The following HELZ2 variants were observed in gnomAD, a reference collection of about 807,000 sequenced individuals.
HELZ2 encodes the protein helicase with zinc finger 2, also known as 3'-5' exoribonuclease HELZ2.
HELZ2 carries 143 observed loss-of-function variants against 208.8 expected under a neutral mutation model. The ratio of observed to expected loss-of-function variants is 0.68; its 90% CI spans 0.60 to 0.79. The LOEUF is 0.79. Among genes scored for constraint, HELZ2 ranks in the 30% least tolerant of loss-of-function variants. The probability of loss-of-function intolerance (pLI) is 0.00; values close to 1 mark genes in which losing one functional copy is unlikely to be tolerated. For synonymous variants in HELZ2, 1,705 were observed against 1,693.7 expected (o/e 1.01, Z -0.16); for missense variants, 3,690 against 3,794.5 (o/e 0.97, Z 0.72).
chr20:63,573,387 C>T (rs369900028), upstream of HELZ2, among the ~76,000 whole-genome samples: 13 of 152,206 alleles, frequency 8.5e-5, no homozygotes, highest in East Asian at 5.8e-4. This position sits in a 1 kb window ranked among gnomAD's most constrained non-coding sequence, Gnocchi z 4.9. Flanking sequence ...CCCACCCTGA[C>T]GCCCAAGTGG....
intron 13 of HELZ2, 28 bp from the exon 15 acceptor site, chr20:63,561,302 G>C: frequency 6.2e-7 from 1 of 1,612,330 alleles, no homozygotes; most frequent in African/African-American, 1.3e-5. Context: ...TGTCACCCCA[G>C]GGCCCCCATG....
At chr20:63,562,344 G>T in exon 9 of HELZ2, 1 of 1,595,858 alleles carries the variant, frequency 6.3e-7, no homozygotes. Flanking sequence ...GACCAGCGGG[G>T]ACGCCTCCTC....
chr20:63,568,679 T>C, exon 5 of HELZ2: 4 of 1,605,996 alleles, frequency 2.5e-6, no homozygotes, highest in Non-Finnish European at 3.4e-6. Flanking sequence ...AATCTGGAAC[T>C]GCACCTCCAG....
chr20:63,560,250 C>A (rs112998390), exon 17 of HELZ2: 20 of 1,560,932 alleles, frequency 1.3e-5, no homozygotes, highest in Non-Finnish European at 1.6e-5. Flanking sequence ...CAGAGGCCTG[C>A]GCGTTGTAGG....
chr20:63,563,918 C>G (rs746721648), exon 8 of HELZ2: 5 of 1,592,994 alleles, frequency 3.1e-6, no homozygotes, highest in Middle Eastern at 1.7e-4. Context: ...GAGGTCGCGG[C>G]CTGCAGGAGC....
intron 18 of HELZ2, 70 bp downstream of exon 19, chr20:63,559,858 C>T (rs1410701395): frequency 1.1e-5 from 17 of 1,536,952 alleles, no homozygotes; most frequent in East Asian, 6.8e-5. Context: ...AGGCAGGAGT[C>T]GGCAGCTCCC....
chr20:63,566,527 AC>A, intron 6 of HELZ2, 74 bp from the exon 8 acceptor site: 2 of 1,097,746 alleles, frequency 1.8e-6, no homozygotes, highest in Non-Finnish European at 1.3e-6. Context: ...AGGAGAGGGC[AC>A]CCCCACCAAG....
chr20:63,564,774 C>A (rs376896320), exon 8 of HELZ2: 3 of 1,611,996 alleles, frequency 1.9e-6, no homozygotes, highest in African/African-American at 2.7e-5. Context: ...AGGTTGCAGG[C>A]GCCCTGGGGG....
chr20:63,568,900 G>C, exon 5 of HELZ2: 2 of 1,611,138 alleles, frequency 1.2e-6, no homozygotes, highest in Non-Finnish European at 8.5e-7. Context: ...AGGAGGGGAC[G>C]GGGACCTCTG....
At chr20:63,561,631 G>T (rs1261003509) in exon 12 of HELZ2, 2 of 1,611,244 alleles carry the variant, frequency 1.2e-6, no homozygotes, top group Non-Finnish European at 1.7e-6. Flanking sequence ...CCCCTCCCGG[G>T]GGCTCTTCCT....
chr20:63,572,729 T>A, upstream of HELZ2: 1 of 296,526 alleles, frequency 3.4e-6, no homozygotes, highest in Non-Finnish European at 6.3e-6. Flanking sequence ...CACCTCCGCC[T>A]TCAGCCATAG....
chr20:63,568,572 G>A (rs1432605423), exon 5 of HELZ2: 1 of 1,589,646 alleles, frequency 6.3e-7, no homozygotes, highest in African/African-American at 1.3e-5. Context: ...ACAGACCAAG[G>A]TCTGGGCAGG....
At position 63,567,470 on chromosome 20, in the gene HELZ2, A is replaced by G. The variant is rs1307902006; in HGVS notation, c.1888T>C (p.Phe630Leu). ...AGCTCTGCCCGTGTGGGCGGGCGGA[A>G]AGCCTGGCGGTCGTCGGTCAGGCAA... Residue 630 changes from phenylalanine to leucine, a missense_variant, in exon 6 of 19, where the codon TTC becomes CTC. By Grantham distance (22) the Phe-to-Leu change is conservative. Around this residue, in one of 3 missense-constraint regions of HELZ2, gnomAD observed 1,119 missense variants for 1,193.4 expected, o/e 0.94. Transcript: ENST00000467148. The G allele has an allele frequency of 1.9e-6, 3 of 1,557,076 alleles. No homozygotes were observed. In the South Asian group the frequency reaches 3.5e-5, roughly 18 times the overall value.
exon 11 of HELZ2, chr20:63,561,961 G>A: frequency 6.3e-7 from 1 of 1,597,782 alleles, no homozygotes. Flanking sequence ...ACGATGTGGA[G>A]GCCCACGATC....
chr20:63,563,507 G>A (rs763960770), exon 8 of HELZ2: 3 of 1,512,588 alleles, frequency 2.0e-6, no homozygotes, highest in African/African-American at 1.4e-5. Flanking sequence ...GGAGCCGTAG[G>A]GGACGGGGCA....
chr20:63,563,392 T>C, exon 8 of HELZ2: 3 of 1,536,308 alleles, frequency 2.0e-6, no homozygotes, highest in African/African-American at 1.4e-5. Context: ...TGCCAGGCAG[T>C]GGCAGGGGCG....
chr20:63,560,598 C>T, exon 16 of HELZ2: 7 of 1,611,984 alleles, frequency 4.3e-6, no homozygotes, highest in Non-Finnish European at 5.9e-6. Context: ...CTCTCCTTGC[C>T]AGCGTGGCCC....
At chr20:63,566,782 GA>G in intron 6 of HELZ2, 61 bp downstream of exon 7, 1 of 1,472,520 alleles carries the variant, frequency 6.8e-7, no homozygotes, top group Non-Finnish European at 9.1e-7. Context: ...CCATCAGCCG[GA>G]GAGCTCCCCC....
At chr20:63,562,300 G>T in exon 9 of HELZ2, 2 of 1,598,436 alleles carry the variant, frequency 1.3e-6, no homozygotes, top group Non-Finnish European at 8.5e-7. Context: ...CTGCAGAGGG[G>T]CTGCGGGACA....
Sources: allele counts gnomAD v4.1 joint callset (sites outside exome capture counted in the v4.1 genomes callset), GRCh38; gene constraint gnomAD v4.1.1; regional missense constraint gnomAD v4.1.1; non-coding constraint Gnocchi (gnomAD v3.1); transcripts MANE v1.5; gene names NCBI Gene and HGNC (gene_info 2026-07-23, HGNC 2026-07-21).